The following CCDC158 variants were observed in gnomAD, a reference collection of about 807,000 sequenced individuals.
The protein encoded by CCDC158 is coiled-coil domain-containing protein 158.
Under a neutral mutation model 138.6 loss-of-function variants are expected in CCDC158, and 116 were observed. The ratio of observed to expected loss-of-function variants is 0.84; its 90% confidence interval spans 0.72 to 0.98. CCDC158 has a LOEUF of 0.98. Among genes scored for constraint, CCDC158 ranks in the 50% least tolerant of loss-of-function variants. The probability of loss-of-function intolerance (pLI) is 0.00; values close to 1 mark genes in which losing one functional copy is unlikely to be tolerated. For synonymous variants in CCDC158, 436 were observed against 442.4 expected (o/e 0.99, Z 0.18); for missense variants, 1,265 against 1,306.1 (o/e 0.97, Z 0.48).
At chr4:76,346,934 T>A (rs1036518968) in intron 18 of CCDC158, among the ~76,000 whole-genome samples, 3 of 152,064 alleles carry the variant, frequency 2.0e-5, no homozygotes, top group Admixed American at 2.0e-4. Context: ...AAAAAGCTCA[T>A]CATCACTGGT....
intron 23 of CCDC158, 69 bp downstream of exon 23, chr4:76,325,788 A>G (rs1720464743): frequency 7.3e-7 from 1 of 1,377,146 alleles, no homozygotes; most frequent in Non-Finnish European, 1.0e-6. Flanking sequence ...AATTCTGAGT[A>G]AAAAGAACTT....
chr4:76,380,087 T>C (rs1271799953), intron 8 of CCDC158, among the ~76,000 whole-genome samples: 1 of 152,164 alleles, frequency 6.6e-6, no homozygotes, highest in Non-Finnish European at 1.5e-5. Flanking sequence ...AATTACCCAG[T>C]CTTGGATAGT....
intron 18 of CCDC158, among the ~76,000 whole-genome samples, chr4:76,340,202 T>C (rs529560167): frequency 2.6e-5 from 4 of 152,350 alleles, no homozygotes; most frequent in South Asian, 2.1e-4. Context: ...TGAGTTAACA[T>C]TGGGATTTTT....
intron 2 of CCDC158, among the ~76,000 whole-genome samples, chr4:76,405,475 T>G (rs1457404650): frequency 1.3e-5 from 2 of 152,118 alleles, no homozygotes; most frequent in Non-Finnish European, 2.9e-5. Context: ...AGGTTCTAAA[T>G]TTTTAAAAGT....
At chr4:76,386,709 C>T (rs550094262) in intron 4 of CCDC158, among the ~76,000 whole-genome samples, 1 of 146,842 alleles carries the variant, frequency 6.8e-6, no homozygotes, top group South Asian at 2.2e-4. Flanking sequence ...GAGAGACAGT[C>T]TTGAATCTCC....
intron 9 of CCDC158, chr4:76,375,057 A>G (rs1466738623): frequency 2.6e-5 from 4 of 152,634 alleles, no homozygotes; most frequent in East Asian, 3.8e-4. Flanking sequence ...AAAAAGATAA[A>G]TAGAGAGTGA....
chr4:76,415,658 C>A (rs750202949), intron 1 of CCDC158, among the ~76,000 whole-genome samples: 7 of 151,998 alleles, frequency 4.6e-5, no homozygotes, highest in Admixed American at 3.9e-4. Context: ...ACAATCATAA[C>A]CTAGGAAAAA....
At chr4:76,370,207 A>T (rs973321416) in intron 10 of CCDC158, among the ~76,000 whole-genome samples, 1 of 152,246 alleles carries the variant, frequency 6.6e-6, no homozygotes, top group Non-Finnish European at 1.5e-5. Context: ...GAAAGTTAAG[A>T]CATAGACATA....
chr4:76,367,163 A>G (rs1488131793), intron 12 of CCDC158, 131 bp downstream of exon 12: 1 of 976,570 alleles, frequency 1.0e-6, no homozygotes, highest in Admixed American at 2.4e-5. Context: ...AAACACACAT[A>G]TACACATAGA....
At chr4:76,333,920 C>A in intron 19 of CCDC158, 90 bp downstream of exon 19, 1 of 920,706 alleles carries the variant, frequency 1.1e-6, no homozygotes, top group Non-Finnish European at 1.6e-6. Flanking sequence ...GTCATTTAAA[C>A]CTCACCCTCC....
At chr4:76,368,114 A>G (rs958426154) in intron 11 of CCDC158, among the ~76,000 whole-genome samples, 1 of 152,134 alleles carries the variant, frequency 6.6e-6, no homozygotes, top group Non-Finnish European at 1.5e-5. Context: ...TGCTAATTAG[A>G]CCAAGGTGGA....
In CCDC158 at chr4:76,353,280, T is replaced by C; in HGVS notation, c.2288A>G (p.Glu763Gly). 1 of 1,601,556 alleles carries C rather than the reference T, an allele frequency of 6.2e-7. No individual in the cohort carries two copies. Among genetic ancestry groups the C allele is most frequent in the Non-Finnish European group, 8.5e-7 (1 of 1,173,440 alleles). The change falls in exon 16 of 25, where the codon GAG (glutamate) becomes GGG (glycine). Residue 763 changes from glutamate to glycine, a missense_variant and splice_region_variant. By Grantham distance (98) the Glu-to-Gly change is moderately conservative (BLOSUM62 -2). Coordinates refer to ENST00000682701, the MANE Select transcript of CCDC158 (RefSeq NM_001394954.1). ...LEEAMTNANK[E>G]KHFLKEEKSK... is the part of the protein sequence containing the mutation. ...TTTCTCTTCTTTCAGAAAATGTTTC[T>C]CCTACAATTATATGAGAGAAAAACA...
chr4:76,375,364 T>C, intron 9 of CCDC158: 1 of 445,446 alleles, frequency 2.2e-6, no homozygotes, highest in Non-Finnish European at 4.0e-6. Flanking sequence ...TGTCTGTTGG[T>C]GGTGGTGTTT....
intron 24 of CCDC158, among the ~76,000 whole-genome samples, chr4:76,321,594 TA>T (rs1720007197): frequency 6.8e-6 from 1 of 146,244 alleles, no homozygotes; most frequent in Non-Finnish European, 1.5e-5. Flanking sequence ...TATATATATA[TA>T]ATATAATATA....
At chr4:76,404,157 C>G (rs1218558448) in intron 2 of CCDC158, among the ~76,000 whole-genome samples, 1 of 151,994 alleles carries the variant, frequency 6.6e-6, no homozygotes, top group African/African-American at 2.4e-5. Context: ...AGAGGAACAC[C>G]AAGGAACCAG....
At chr4:76,373,963 G>A (rs1046514612) in intron 9 of CCDC158, among the ~76,000 whole-genome samples, 2 of 152,054 alleles carry the variant, frequency 1.3e-5, no homozygotes, top group Non-Finnish European at 2.9e-5. Flanking sequence ...AGACCAGCCT[G>A]GGCAGCATAG....
intron 18 of CCDC158, among the ~76,000 whole-genome samples, chr4:76,341,532 C>T (rs1317731317): frequency 6.6e-6 from 1 of 152,272 alleles, no homozygotes; most frequent in South Asian, 2.1e-4. Flanking sequence ...TGGCAAAGAT[C>T]AAGCACAGTA....
intron 22 of CCDC158, among the ~76,000 whole-genome samples, chr4:76,328,016 C>T (rs1372786301): frequency 2.0e-5 from 3 of 152,040 alleles, no homozygotes; most frequent in Non-Finnish European, 2.9e-5. Flanking sequence ...ATTTCAGTCA[C>T]ATCTATTTTA....
At chr4:76,404,419 A>G (rs1217645862) in intron 2 of CCDC158, among the ~76,000 whole-genome samples, 2 of 152,132 alleles carry the variant, frequency 1.3e-5, no homozygotes, top group Admixed American at 1.3e-4. Flanking sequence ...GAAACATAAT[A>G]CTCCAAACTG....
Sources: allele counts gnomAD v4.1 joint callset (sites outside exome capture counted in the v4.1 genomes callset), GRCh38; gene constraint gnomAD v4.1.1; transcripts MANE v1.5; gene names NCBI Gene and HGNC (gene_info 2026-07-23, HGNC 2026-07-21).